Variants in NTAQ1 observed in about 807,000 individuals in gnomAD.
NTAQ1 encodes protein N-terminal glutamine amidohydrolase.
A neutral mutation model predicts 28.2 loss-of-function variants in NTAQ1; 21 were observed. That is an observed-to-expected ratio of 0.74 (90% confidence interval 0.53 to 1.07). The LOEUF is 1.07. Among genes scored for constraint, NTAQ1 ranks in the 50% least tolerant of loss-of-function variants. The pLI is 0.00. For missense variants in NTAQ1, 264 were observed against 256.6 expected, an observed-to-expected ratio of 1.03 and a Z score of -0.20; for synonymous variants, 105 against 90.0, an observed-to-expected ratio of 1.17 and a Z score of -0.94.
intron 1 of NTAQ1, among the ~76,000 whole-genome samples, chr8:123,420,733 C>T (rs552517085): frequency 6.6e-6 from 1 of 151,680 alleles, no homozygotes; most frequent in Non-Finnish European, 1.5e-5. Context: ...GCTGGGAGTA[C>T]AGGTGGGCAT....
chr8:123,466,423 T>G (rs1013087649), intron 6 of NTAQ1, among the ~76,000 whole-genome samples: 1 of 152,186 alleles, frequency 6.6e-6, no homozygotes, highest in Non-Finnish European at 1.5e-5. Context: ...TCCCCTCACC[T>G]CCCTGGGAAC....
chr8:123,435,376 T>C, intron 3 of NTAQ1: 5 of 730,404 alleles, frequency 6.8e-6, no homozygotes, highest in Non-Finnish European at 8.4e-6. Context: ...AAAAATAGTT[T>C]TTCCTTTCTT....
upstream of NTAQ1, chr8:123,416,771 G>T: frequency 2.2e-6 from 3 of 1,361,220 alleles, no homozygotes; most frequent in Non-Finnish European, 2.9e-6. Flanking sequence ...ACCCACGCGG[G>T]CCACTACAAG....
chr8:123,474,772 A>G (rs1158375138), downstream of NTAQ1, among the ~76,000 whole-genome samples: 1 of 152,166 alleles, frequency 6.6e-6, no homozygotes, highest in African/African-American at 2.4e-5. Flanking sequence ...CTATAATCCC[A>G]GCTACTTGGG....
intron 5 of NTAQ1, among the ~76,000 whole-genome samples, chr8:123,439,347 T>TG (rs1248075844): frequency 1.5e-5 from 1 of 67,548 alleles, no homozygotes; most frequent in Non-Finnish European, 3.2e-5. Context: ...CCTGGCTAGT[T>TG]TTTTTTTTTT....
At chr8:123,439,434 C>A (rs1331025936) in intron 5 of NTAQ1, among the ~76,000 whole-genome samples, 1 of 151,692 alleles carries the variant, frequency 6.6e-6, no homozygotes, top group Non-Finnish European at 1.5e-5. Context: ...GCTCCGCCTC[C>A]CGGGTTCATG....
chr8:123,435,590 G>A lies in NTAQ1; in HGVS notation c.235-863G>A, dbSNP rs537519332. The stretch of plus-strand genomic sequence containing the variant: ...CTTTTAACAAATAGCAGGTGGGGCC[G>A]GCACTGTGGCTCACACCTGTAATTC... On this transcript the variant is annotated intron_variant, in intron 3 of 5. Coordinates refer to ENST00000287387, the MANE Select transcript of NTAQ1 (RefSeq NM_018024.3). The A allele has an allele frequency of 1.6e-5, 15 of 931,882 alleles. No individual in the cohort carries two copies. In the East Asian group the frequency reaches 1.2e-3, roughly 73 times the overall value. The allele number at this position is 931,882 out of a possible 1,614,324, so 57.7% of individuals were successfully genotyped here.
chr8:123,417,042 C>G, intron 1 of NTAQ1, 110 bp downstream of exon 1: 1 of 1,125,296 alleles, frequency 8.9e-7, no homozygotes, highest in Non-Finnish European at 1.2e-6. Context: ...CGGCCTCTAC[C>G]GGCGGGTTCT....
Position 123,435,600 on chromosome 8 carries a change from C to G in NTAQ1, c.235-853C>G, listed in dbSNP as rs1814656806. ...ATAGCAGGTGGGGCCGGCACTGTGG[C>G]TCACACCTGTAATTCCAGGACTTTG... is the stretch of plus-strand genomic sequence containing the variant. On this transcript the variant is annotated intron_variant, in intron 3 of 5. Transcript: ENST00000287387. 3.3e-6 allele frequency: 3 copies of G among 897,878 alleles called. No individual in the cohort carries two copies. In the South Asian group the frequency reaches 1.5e-4, roughly 46 times the overall value. The allele number at this position is 897,878 out of a possible 1,614,324, so 55.6% of individuals were successfully genotyped here.
chr8:123,439,066 A>C (rs1034557757), intron 5 of NTAQ1, among the ~76,000 whole-genome samples: 1 of 152,204 alleles, frequency 6.6e-6, no homozygotes, highest in African/African-American at 2.4e-5. Context: ...CCCTGGTCCA[A>C]CTGGGGCAAT....
In NTAQ1 at chr8:123,428,131, A is replaced by T. The variant is rs567874490; in HGVS notation, c.183+108A>T. Reference sequence around the variant, plus strand: ...ATAGCATGGGTGTAGTACTCTTCTGAAGTGTGCTTTATTAAATACAGCAAC... The same window carrying T: ...ATAGCATGGGTGTAGTACTCTTCTGTAGTGTGCTTTATTAAATACAGCAAC... On this transcript the variant is annotated intron_variant, in intron 2 of 5. Coordinates refer to ENST00000287387, the MANE Select transcript of NTAQ1 (RefSeq NM_018024.3). The T allele has an allele frequency of 1.1e-4, 82 of 749,376 alleles. 1 individual carries two copies. In the South Asian group the frequency reaches 1.7e-3, roughly 15 times the overall value. 46.4% of individuals were successfully genotyped at this position (749,376 alleles called of 1,614,324 possible). A position where few individuals can be genotyped will look rare whatever the true frequency, so the allele number is the denominator to read the frequency against.
intron 5 of NTAQ1, among the ~76,000 whole-genome samples, chr8:123,439,238 G>T (rs1230209351): frequency 6.6e-6 from 1 of 151,936 alleles, no homozygotes; most frequent in East Asian, 1.9e-4. Flanking sequence ...GAGTGCAGTG[G>T]CACGATCCCA....
chr8:123,435,897 G>T (rs55905469), intron 3 of NTAQ1, among the ~76,000 whole-genome samples: 1 of 151,356 alleles, frequency 6.6e-6, no homozygotes, highest in Non-Finnish European at 1.5e-5. Flanking sequence ...GCCAGGCACC[G>T]TGGCTCACAC....
At chr8:123,447,783 TAACAAAA>T (rs1056197309) in intron 6 of NTAQ1, among the ~76,000 whole-genome samples, 16 of 151,776 alleles carry the variant, frequency 1.1e-4, no homozygotes, top group African/African-American at 3.1e-4. Flanking sequence ...CAGAAAAAAA[TAACAAAA>T]AACAAAAAAC....
intron 1 of NTAQ1, among the ~76,000 whole-genome samples, chr8:123,424,725 C>A (rs1813937771): frequency 6.6e-6 from 1 of 152,128 alleles, no homozygotes; most frequent in Non-Finnish European, 1.5e-5. Flanking sequence ...AACTCTAAGC[C>A]CACCCTTAGA....
downstream of NTAQ1, among the ~76,000 whole-genome samples, chr8:123,449,949 G>GTATATATATATATATATA (rs772958901): frequency 1.2e-4 from 1 of 8,208 alleles, no homozygotes; most frequent in Non-Finnish European, 3.9e-4. Flanking sequence ...GTGTGTGTGT[G>GTATATATATATATATATA]CATATATATA....
At chr8:123,462,950 C>T (rs984244619) in intron 6 of NTAQ1, among the ~76,000 whole-genome samples, 3 of 152,178 alleles carry the variant, frequency 2.0e-5, no homozygotes, top group Non-Finnish European at 4.4e-5. Flanking sequence ...TTTGCTTTCC[C>T]ACTGTGAAGG....
intron 5 of NTAQ1, among the ~76,000 whole-genome samples, chr8:123,438,529 G>T (rs568039811): frequency 6.6e-6 from 1 of 152,068 alleles, no homozygotes; most frequent in Non-Finnish European, 1.5e-5. Context: ...GGTGGTGTGT[G>T]CCTGAAGTCC....
chr8:123,433,523 G>A (rs909172069), intron 3 of NTAQ1, among the ~76,000 whole-genome samples: 3 of 151,994 alleles, frequency 2.0e-5, no homozygotes, highest in African/African-American at 7.3e-5. Context: ...TCTTAGCTCA[G>A]TGCAACCTCT....
Sources: gnomAD v4.1 joint callset for allele counts (sites outside exome capture counted in the v4.1 genomes callset) on GRCh38, gnomAD v4.1.1 for gene constraint, MANE v1.5 for transcripts, NCBI Gene and HGNC (gene_info 2026-07-23, HGNC 2026-07-21) for gene names.